The following RBPJ variants were observed in gnomAD, a reference collection of about 807,000 sequenced individuals.
The protein encoded by RBPJ is recombining binding protein suppressor of hairless.
A neutral mutation model predicts 67.8 loss-of-function variants in RBPJ; 9 were observed. That is an observed-to-expected ratio of 0.13 (90% CI 0.08 to 0.23). RBPJ has a LOEUF of 0.23. Ranked by LOEUF, RBPJ falls within the 10% of genes least tolerant of loss-of-function variation. The pLI, the probability that RBPJ is intolerant of heterozygous loss-of-function variation, is 1.00. For synonymous variants in RBPJ, 198 were observed against 203.3 expected (o/e 0.97, Z 0.22); for missense variants, 305 against 595.6 (o/e 0.51, Z 5.08).
At chr4:26,263,632 C>A (rs1359228306) in intron 1 of RBPJ, among the ~76,000 whole-genome samples, 1 of 151,772 alleles carries the variant, frequency 6.6e-6, no homozygotes, top group Non-Finnish European at 1.5e-5. Context: ...AATGCAACGG[C>A]CCGATCTCTG....
chr4:26,434,784 A>G lies in RBPJ; in HGVS notation c.*3777A>G, dbSNP rs1736527148. On this transcript the variant is annotated 3_prime_UTR_variant, in exon 11 of 11. Transcript: ENST00000355476. The stretch of plus-strand genomic sequence containing the variant: ...TGCGCCTGTAAGGTTTATTAGCAAT[A>G]AGATAGAAAATTGAGCAAGTTTATA... The G allele has an allele frequency of 6.6e-6, 1 of 152,228 alleles. No homozygotes were observed. The allele number at this position is 152,228 out of a possible 1,614,324, so 9.4% of individuals were successfully genotyped here.
At chr4:26,210,724 TTTCCTTCTTTACTTCTTTCCTTCTTTCC>T (rs1718371162) in intron 1 of RBPJ, among the ~76,000 whole-genome samples, 10 of 80,272 alleles carry the variant, frequency 1.2e-4, no homozygotes, top group African/African-American at 4.2e-4. Context: ...TCCTTCTTTC[TTTCCTTCTTTACTTCTTTCCTTCTTTCC>T]TTCTTTCTTT....
chr4:26,134,361 A>G, the RBPJ span, among the ~76,000 whole-genome samples: 1 of 152,204 alleles, frequency 6.6e-6, no homozygotes, highest in Non-Finnish European at 1.5e-5. Context: ...TTCAAAAGCT[A>G]TTAAGAATTT....
chr4:26,381,039 T>C (rs1404787371), intron 1 of RBPJ, among the ~76,000 whole-genome samples: 1 of 149,020 alleles, frequency 6.7e-6, no homozygotes, highest in Non-Finnish European at 1.5e-5. Flanking sequence ...TTTTTTTTGG[T>C]AGCAGTGTAA....
intron 1 of RBPJ, among the ~76,000 whole-genome samples, chr4:26,258,579 G>A (rs1474222731): frequency 2.0e-5 from 3 of 152,122 alleles, no homozygotes; most frequent in African/African-American, 7.2e-5. Context: ...ACTTCAAAAA[G>A]TTCATAGAAA....
intron 1 of RBPJ, among the ~76,000 whole-genome samples, chr4:26,281,004 C>T (rs999365148): frequency 6.6e-6 from 1 of 152,048 alleles, no homozygotes; most frequent in African/African-American, 2.4e-5. Context: ...GATGATGAGG[C>T]TCTAACTGTT....
the RBPJ span, among the ~76,000 whole-genome samples, chr4:26,108,245 G>A: frequency 4.4e-3 from 671 of 152,274 alleles, 2 homozygotes; most frequent in Admixed American, 8.4e-3. Flanking sequence ...GGGCTCAGAC[G>A]GAAGTGACAA....
At position 26,424,548 on chromosome 4, in the gene RBPJ, G is replaced by A. The variant is rs1735450224; in HGVS notation, c.634+69G>A. On this transcript the variant is annotated intron_variant, in intron 6 of 10. Coordinates refer to ENST00000355476, the MANE Select transcript of RBPJ (RefSeq NM_015874.6). This position sits in a 1 kb window ranked among gnomAD's most constrained non-coding sequence, Gnocchi z 5.3. ...TTAAAATCTTTTGATGAGATACATG[G>A]ATATATTAAGTTTTGTCATTTGCCT... 1 of 1,566,422 alleles carries A rather than the reference G, an allele frequency of 6.4e-7. No homozygotes were observed.
At chr4:26,293,451 T>C (rs1721742857) in intron 1 of RBPJ, among the ~76,000 whole-genome samples, 1 of 149,664 alleles carries the variant, frequency 6.7e-6, no homozygotes, top group African/African-American at 2.5e-5. Flanking sequence ...CTGGGCAACA[T>C]AGTGAGATCC....
At chr4:26,316,831 T>TTG (rs1340372346), upstream of RBPJ, among the ~76,000 whole-genome samples, 4 of 133,628 alleles carry the variant, frequency 3.0e-5, 1 homozygote, top group African/African-American at 1.1e-4. Flanking sequence ...AGACGACTTT[T>TTG]TTTTTTTTTT....
At chr4:26,123,015 A>G in the RBPJ span, among the ~76,000 whole-genome samples, 1 of 152,216 alleles carries the variant, frequency 6.6e-6, no homozygotes, top group African/African-American at 2.4e-5. Context: ...CCCTCTCAGG[A>G]ACAGATTGGG....
chr4:26,244,765 C>T (rs886079620), intron 1 of RBPJ, among the ~76,000 whole-genome samples: 1 of 151,888 alleles, frequency 6.6e-6, no homozygotes, highest in African/African-American at 2.4e-5. Flanking sequence ...GCTGGGATTA[C>T]AGGCACACAC....
intron 1 of RBPJ, among the ~76,000 whole-genome samples, chr4:26,184,668 C>T (rs765072112): frequency 1.3e-5 from 2 of 152,014 alleles, no homozygotes. Context: ...CTTTGTCAAT[C>T]CTCATAACAG....
intron 2 of RBPJ, among the ~76,000 whole-genome samples, chr4:26,398,209 G>A (rs902504867): frequency 2.6e-5 from 4 of 152,138 alleles, no homozygotes; most frequent in African/African-American, 9.7e-5. Flanking sequence ...TTTGAGAAGC[G>A]CAGAGAGTGA....
At chr4:26,177,331 T>C (rs1252484819) in intron 1 of RBPJ, among the ~76,000 whole-genome samples, 1 of 152,182 alleles carries the variant, frequency 6.6e-6, no homozygotes, top group African/African-American at 2.4e-5. Context: ...ATCCCAATAC[T>C]TTGGGAGGCC....
At chr4:26,206,474 G>A (rs1363874465) in intron 1 of RBPJ, among the ~76,000 whole-genome samples, 2 of 152,096 alleles carry the variant, frequency 1.3e-5, no homozygotes, top group African/African-American at 4.8e-5. Context: ...CCAGGCTCTA[G>A]GTTAACTTCT....
chr4:26,331,990 C>T (rs1379346434), intron 1 of RBPJ, among the ~76,000 whole-genome samples: 1 of 152,142 alleles, frequency 6.6e-6, no homozygotes, highest in African/African-American at 2.4e-5. Flanking sequence ...TGAATTTTTT[C>T]TAGTGTATAT....
upstream of RBPJ, among the ~76,000 whole-genome samples, chr4:26,319,351 C>T (rs1722792951): frequency 6.6e-6 from 1 of 152,190 alleles, no homozygotes; most frequent in South Asian, 2.1e-4. Flanking sequence ...TTCCATCCAG[C>T]GTCACAGGGC....
chr4:26,373,439 T>G (rs1729363862), intron 1 of RBPJ, among the ~76,000 whole-genome samples: 2 of 152,056 alleles, frequency 1.3e-5, no homozygotes, highest in African/African-American at 4.8e-5. Context: ...TGCTCTGGTC[T>G]CTGTTATTGA....
Sources: allele counts gnomAD v4.1 joint callset (sites outside exome capture counted in the v4.1 genomes callset), GRCh38; gene constraint gnomAD v4.1.1; non-coding constraint Gnocchi (gnomAD v3.1); transcripts MANE v1.5; gene names NCBI Gene and HGNC (gene_info 2026-07-23, HGNC 2026-07-21).